The following GABRG3 variants were observed in gnomAD, a reference collection of about 807,000 sequenced individuals.
The protein encoded by GABRG3 is gamma-aminobutyric acid receptor subunit gamma-3.
A neutral mutation model predicts 48.8 loss-of-function variants in GABRG3; 25 were observed. That is an observed-to-expected ratio of 0.51 (90% confidence interval 0.37 to 0.72). GABRG3 has a LOEUF of 0.72. Ranked by LOEUF, GABRG3 falls within the 30% of genes least tolerant of loss-of-function variation. The pLI, the probability that GABRG3 is intolerant of heterozygous loss-of-function variation, is 0.00. For synonymous variants in GABRG3, 227 were observed against 217.6 expected (o/e 1.04, Z -0.38); for missense variants, 394 against 577.9 (o/e 0.68, Z 3.26).
At position 27,469,009 on chromosome 15, in the gene GABRG3, G is replaced by T. The variant is rs117191909; in HGVS notation, c.575-11641G>T. 7.0e-3 allele frequency among the ~76,000 whole-genome samples: 1,066 copies of T among 152,286 alleles called. 7 individuals are homozygous for T. Among genetic ancestry groups the T allele is most frequent in the Non-Finnish European group, 0.01 (696 of 68,012 alleles). ...TAAGGCATTAAATGTGTAGGCGGAA[G>T]ATATAAATAGAAACACCTTCCAACC... On this transcript the variant is annotated intron_variant, in intron 5 of 9. Coordinates refer to ENST00000615808, the MANE Select transcript of GABRG3 (RefSeq NM_033223.5).
At chr15:27,087,211 C>T (rs1403714948) in intron 3 of GABRG3, among the ~76,000 whole-genome samples, 1 of 152,184 alleles carries the variant, frequency 6.6e-6, no homozygotes. Flanking sequence ...GGCTGCTGCT[C>T]AGTGAGGTGC....
At chr15:27,239,549 A>C (rs543828119) in intron 3 of GABRG3, among the ~76,000 whole-genome samples, 1 of 152,342 alleles carries the variant, frequency 6.6e-6, no homozygotes, top group Non-Finnish European at 1.5e-5. Flanking sequence ...GATGTGCCTG[A>C]ATTTGTTAGG....
chr15:27,051,867 T>C (rs920526988), intron 3 of GABRG3, among the ~76,000 whole-genome samples: 24 of 152,196 alleles, frequency 1.6e-4, no homozygotes, highest in African/African-American at 5.8e-4. Context: ...CTGGGGGTGA[T>C]GGGAGACGTG....
chr15:27,027,015 A>G (rs949289006), intron 3 of GABRG3, 194 bp downstream of exon 3: 1 of 462,278 alleles, frequency 2.2e-6, no homozygotes, highest in African/African-American at 2.0e-5. Flanking sequence ...TGGTAGTAGC[A>G]TTTCCACTTT....
At chr15:26,990,869 A>G (rs1895235233) in intron 2 of GABRG3, among the ~76,000 whole-genome samples, 1 of 149,776 alleles carries the variant, frequency 6.7e-6, no homozygotes. Flanking sequence ...CAGTGGTGCA[A>G]TCTCGGCTCA....
chr15:27,054,930 G>A (rs926217226), intron 3 of GABRG3, among the ~76,000 whole-genome samples: 6 of 151,826 alleles, frequency 4.0e-5, no homozygotes, highest in Non-Finnish European at 7.4e-5. Flanking sequence ...ATGGTTGTCA[G>A]CCACAAAGCA....
At chr15:27,049,938 AATTAG>A (rs1328877243) in intron 3 of GABRG3, among the ~76,000 whole-genome samples, 1 of 152,202 alleles carries the variant, frequency 6.6e-6, no homozygotes, top group Non-Finnish European at 1.5e-5. Flanking sequence ...ATTGTGGATT[AATTAG>A]ATAATACATC....
chr15:27,519,220 C>T (rs376625758), intron 6 of GABRG3, among the ~76,000 whole-genome samples: 11 of 152,086 alleles, frequency 7.2e-5, no homozygotes, highest in African/African-American at 2.7e-4. Flanking sequence ...GTGGCCTAGA[C>T]AAGAAATCAA....
chr15:27,160,781 C>T (rs1372231090), intron 3 of GABRG3, among the ~76,000 whole-genome samples: 3 of 151,952 alleles, frequency 2.0e-5, no homozygotes, highest in Non-Finnish European at 2.9e-5. Flanking sequence ...CTACTGGCCT[C>T]TCATGAATAA....
chr15:27,148,485 C>G (rs1898250953), intron 3 of GABRG3, among the ~76,000 whole-genome samples: 1 of 151,936 alleles, frequency 6.6e-6, no homozygotes, highest in Admixed American at 6.6e-5. Context: ...AGGAATGCTT[C>G]CAAGCTCATT....
chr15:27,337,529 C>T (rs1443884140), intron 5 of GABRG3, among the ~76,000 whole-genome samples: 1 of 151,986 alleles, frequency 6.6e-6, no homozygotes, highest in East Asian at 1.9e-4. Flanking sequence ...CATTTCACAG[C>T]TCAGTAGCCT....
chr15:27,438,344 T>G (rs904043682), intron 5 of GABRG3, among the ~76,000 whole-genome samples: 1 of 152,260 alleles, frequency 6.6e-6, no homozygotes, highest in Non-Finnish European at 1.5e-5. Flanking sequence ...TTTATGTGCA[T>G]TTTACATTTT....
intron 3 of GABRG3, among the ~76,000 whole-genome samples, chr15:27,056,793 C>T (rs1310541858): frequency 2.0e-5 from 3 of 152,078 alleles, no homozygotes; most frequent in Non-Finnish European, 2.9e-5. Flanking sequence ...AAATGGAACT[C>T]GTTTGTAGGG....
intron 3 of GABRG3, among the ~76,000 whole-genome samples, chr15:27,145,603 C>CTCTATCTATCTATCTATCAATCA (rs1555405975): frequency 2.9e-5 from 3 of 102,298 alleles, no homozygotes; most frequent in Non-Finnish European, 6.5e-5. Context: ...ATATATCTAT[C>CTCTATCTATCTATCTATCAATCA]TCTATCTATC....
intron 3 of GABRG3, among the ~76,000 whole-genome samples, chr15:27,168,968 G>C (rs144729057): frequency 1.3e-5 from 2 of 152,358 alleles, no homozygotes; most frequent in African/African-American, 4.8e-5. Flanking sequence ...GTGTTTGGCA[G>C]TCAGGTCCTT....
chr15:27,332,287 G>A (rs780596958), intron 5 of GABRG3, among the ~76,000 whole-genome samples: 2 of 152,208 alleles, frequency 1.3e-5, no homozygotes, highest in East Asian at 1.9e-4. Flanking sequence ...AGGCCGAGGC[G>A]AGCAGATCAC....
At chr15:26,984,364 C>T (rs1480500646) in intron 2 of GABRG3, among the ~76,000 whole-genome samples, 2 of 152,144 alleles carry the variant, frequency 1.3e-5, no homozygotes, top group Non-Finnish European at 2.9e-5. Context: ...TTATTTTTAA[C>T]AACAAATAGA....
chr15:27,075,825 A>T (rs2140739169), intron 3 of GABRG3, among the ~76,000 whole-genome samples: 1 of 152,290 alleles, frequency 6.6e-6, no homozygotes, highest in South Asian at 2.1e-4. Context: ...CCTCTGTCAG[A>T]TCATGAGGAG....
At chr15:27,100,870 G>A (rs924210319) in intron 3 of GABRG3, among the ~76,000 whole-genome samples, 3 of 152,210 alleles carry the variant, frequency 2.0e-5, no homozygotes, top group African/African-American at 7.2e-5. Flanking sequence ...ACTACAGGTA[G>A]CATCAAACTT....
Sources: gnomAD v4.1 joint callset for allele counts (sites outside exome capture counted in the v4.1 genomes callset) on GRCh38, gnomAD v4.1.1 for gene constraint, MANE v1.5 for transcripts, NCBI Gene and HGNC (gene_info 2026-07-23, HGNC 2026-07-21) for gene names.